The following OPCML variants were observed in gnomAD, a reference collection of about 807,000 sequenced individuals.
OPCML encodes the protein opioid-binding protein/cell adhesion molecule.
OPCML carries 13 observed loss-of-function variants against 37.8 expected under a neutral mutation model. The observed-to-expected ratio is 0.34, with a 90% CI of 0.22 to 0.55. The LOEUF is 0.55. Among genes scored for constraint, OPCML ranks in the 20% least tolerant of loss-of-function variants. OPCML has a pLI of 0.91. For missense variants in OPCML, 341 were observed against 435.6 expected (o/e 0.78, Z 1.93); for synonymous variants, 176 against 168.8 (o/e 1.04, Z -0.33).
intron 3 of OPCML, among the ~76,000 whole-genome samples, chr11:132,601,554 A>G (rs1937902752): frequency 6.6e-6 from 1 of 152,190 alleles, no homozygotes; most frequent in Non-Finnish European, 1.5e-5. Flanking sequence ...CATTCATTCC[A>G]AGAAGATAAT....
chr11:133,523,693 G>A (rs956074983), intron 1 of OPCML, among the ~76,000 whole-genome samples: 6 of 152,122 alleles, frequency 3.9e-5, no homozygotes, highest in African/African-American at 1.4e-4. Context: ...CCCTTACCAG[G>A]CTGCCAGCCT....
chr11:132,565,483 C>G (rs1427490126), intron 3 of OPCML, among the ~76,000 whole-genome samples: 1 of 152,118 alleles, frequency 6.6e-6, no homozygotes, highest in Non-Finnish European at 1.5e-5. Context: ...TTCCAAAGTC[C>G]ACTCCCAGAT....
At chr11:133,379,829 A>G (rs1396351068) in intron 1 of OPCML, among the ~76,000 whole-genome samples, 1 of 152,176 alleles carries the variant, frequency 6.6e-6, no homozygotes, top group African/African-American at 2.4e-5. Context: ...TTCCTGTAGT[A>G]AAAAAGCCAG....
intron 1 of OPCML, among the ~76,000 whole-genome samples, chr11:132,958,100 G>C (rs10894629): frequency 0.21 from 31,555 of 152,162 alleles, 3,489 homozygotes; most frequent in Admixed American, 0.27. Flanking sequence ...AGTCAAGTTA[G>C]GAATGCAAAG....
At chr11:133,329,687 T>C (rs1943571235) in intron 1 of OPCML, among the ~76,000 whole-genome samples, 1 of 152,088 alleles carries the variant, frequency 6.6e-6, no homozygotes, top group Non-Finnish European at 1.5e-5. Flanking sequence ...AAAAATTAAT[T>C]CAAGATGGAT....
chr11:132,787,873 T>C (rs1364149358), intron 2 of OPCML, among the ~76,000 whole-genome samples: 1 of 152,146 alleles, frequency 6.6e-6, no homozygotes, highest in Non-Finnish European at 1.5e-5. Flanking sequence ...ACATTTCCAG[T>C]TAATGATTTT....
In OPCML at chr11:133,293,497, G is replaced by A. The variant is rs145388103; in HGVS notation, c.61+238767C>T. On this transcript the variant is annotated intron_variant, in intron 1 of 7. Coordinates refer to ENST00000524381, the MANE Select transcript of OPCML (RefSeq NM_001012393.5). Reference sequence around the variant, plus strand: ...AGGTGTGGGGGCCATTCAAGTAATTGGCAGTAAATGCTGGCTACTAAGTAA... The same window carrying A: ...AGGTGTGGGGGCCATTCAAGTAATTAGCAGTAAATGCTGGCTACTAAGTAA... 2.5e-3 allele frequency among the ~76,000 whole-genome samples: 380 copies of A among 152,236 alleles called. 2 individuals carry two copies. The highest frequency in any genetic ancestry group is 8.6e-3 in the African/African-American group (358 of 41,540).
intron 1 of OPCML, chr11:133,024,885 TAGA>T (rs2136909965): frequency 1.0e-6 from 1 of 985,410 alleles, no homozygotes; most frequent in Non-Finnish European, 1.2e-6. Flanking sequence ...TTTTCCAAAA[TAGA>T]GTGCATAAAG....
chr11:133,264,606 G>T (rs1178779283), intron 1 of OPCML, among the ~76,000 whole-genome samples: 1 of 152,122 alleles, frequency 6.6e-6, no homozygotes, highest in Admixed American at 6.5e-5. Context: ...CTAACATGCT[G>T]GTGTCAACGA....
rs11223105 is a variant in OPCML at position 132,533,789 on chromosome 11, T to C, written c.380-4603A>G. ...AACCCATTCCCACACCTATGCCATC[T>C]GATCCACCCACTCTCCAGTTCTCAA... On this transcript the variant is annotated intron_variant, in intron 3 of 7. Transcript: ENST00000524381. Among the ~76,000 whole-genome samples the C allele has an allele frequency of 4.3e-3, 657 of 152,290 alleles. 18 individuals carry two copies. The East Asian group carries it at 0.091, about 21-fold the overall frequency.
chr11:132,623,898 G>A (rs1312931987), intron 3 of OPCML, among the ~76,000 whole-genome samples: 2 of 152,178 alleles, frequency 1.3e-5, no homozygotes, highest in African/African-American at 2.4e-5. Context: ...GAAATTTGGG[G>A]GCTTATACGT....
chr11:132,765,932 A>T (rs1970755), intron 2 of OPCML, among the ~76,000 whole-genome samples: 2 of 151,830 alleles, frequency 1.3e-5, no homozygotes, highest in Non-Finnish European at 2.9e-5. Flanking sequence ...CATGCCAGAG[A>T]GAAAGAAAAT....
At chr11:132,731,975 G>C (rs1205833442) in intron 2 of OPCML, among the ~76,000 whole-genome samples, 2 of 152,110 alleles carry the variant, frequency 1.3e-5, no homozygotes, top group Non-Finnish European at 2.9e-5. Context: ...CGTACTAAGA[G>C]AATGGATTTG....
chr11:133,432,760 G>A (rs1468965374), intron 1 of OPCML, among the ~76,000 whole-genome samples: 2 of 152,210 alleles, frequency 1.3e-5, no homozygotes, highest in South Asian at 2.1e-4. Context: ...TACAGGTGAA[G>A]GCATACTGGG....
chr11:133,348,971 G>T (rs1366184267), intron 1 of OPCML, among the ~76,000 whole-genome samples: 1 of 152,196 alleles, frequency 6.6e-6, no homozygotes, highest in Non-Finnish European at 1.5e-5. Flanking sequence ...GCCTGGGTGT[G>T]ATCTAAGCTG....
intron 2 of OPCML, among the ~76,000 whole-genome samples, chr11:132,797,785 C>A (rs1938416214): frequency 6.6e-6 from 1 of 152,162 alleles, no homozygotes; most frequent in Non-Finnish European, 1.5e-5. Context: ...TACTAACAAT[C>A]ATCCAAGCTT....
At chr11:133,056,321 G>C (rs1009590089) in intron 1 of OPCML, among the ~76,000 whole-genome samples, 4 of 152,206 alleles carry the variant, frequency 2.6e-5, no homozygotes, top group Non-Finnish European at 2.9e-5. Context: ...CAGTGAACAT[G>C]AATACAGAAT....
intron 1 of OPCML, among the ~76,000 whole-genome samples, chr11:133,165,476 T>A (rs1012086996): frequency 3.9e-5 from 6 of 152,134 alleles, no homozygotes; most frequent in Non-Finnish European, 7.4e-5. Context: ...ACAACCCAGC[T>A]CCTCTGGGTT....
intron 1 of OPCML, among the ~76,000 whole-genome samples, chr11:133,292,605 G>C (rs940814470): frequency 6.6e-6 from 1 of 152,124 alleles, no homozygotes; most frequent in African/African-American, 2.4e-5. Context: ...AGGCAGGTCC[G>C]TACGCTGGGG....
Sources: gnomAD v4.1 joint callset for allele counts (sites outside exome capture counted in the v4.1 genomes callset) on GRCh38, gnomAD v4.1.1 for gene constraint, MANE v1.5 for transcripts, NCBI Gene and HGNC (gene_info 2026-07-23, HGNC 2026-07-21) for gene names.